Variants in CRPPA observed in about 807,000 individuals in gnomAD.
CRPPA encodes the protein CDP-L-ribitol pyrophosphorylase A.
CRPPA carries 43 observed loss-of-function variants against 52.0 expected under a neutral mutation model. The ratio of observed to expected loss-of-function variants is 0.83; its 90% CI spans 0.65 to 1.07. The LOEUF is 1.07. CRPPA is among the 50% of genes least tolerant of loss of function. The pLI is 0.00. For synonymous variants in CRPPA, 250 were observed against 203.5 expected, an observed-to-expected ratio of 1.23 and a Z score of -1.94; for missense variants, 629 against 551.7, an observed-to-expected ratio of 1.14 and a Z score of -1.40.
At chr7:16,143,515 C>A (rs1298502529) in intron 9 of CRPPA, among the ~76,000 whole-genome samples, 1 of 152,148 alleles carries the variant, frequency 6.6e-6, no homozygotes, top group African/African-American at 2.4e-5. Flanking sequence ...ACTGCCTGTA[C>A]AACTGCTACT....
At position 16,296,854 on chromosome 7, in the gene CRPPA, C is replaced by G. The variant is rs1784685127; in HGVS notation, c.835+4567G>C. On this transcript the variant is annotated intron_variant, in intron 5 of 9. Coordinates refer to ENST00000407010, the MANE Select transcript of CRPPA (RefSeq NM_001101426.4). ...CTGTGATGCCAGTAACAAACACTTT[C>G]TAGAAGACTGTACTATGTGCTTAGG... Among the ~76,000 whole-genome samples, 3 of 152,158 alleles carry G rather than the reference C, an allele frequency of 2.0e-5. No homozygotes were observed. The South Asian group carries it at 6.2e-4, about 31-fold the overall frequency.
rs559370651 is a variant in CRPPA, at chr7:16,177,114, C to T, written c.1251+38952G>A. ...TGTTGAAAAGCCAAAACTATAATGA[C>T]AGAAGAGAAATCAATAGTTGGCAGG... is the stretch of plus-strand genomic sequence containing the variant. On this transcript the variant is annotated intron_variant, in intron 9 of 9. Transcript: ENST00000407010. Among the ~76,000 whole-genome samples the T allele has an allele frequency of 1.2e-4, 19 of 152,012 alleles. No individual in the cohort carries two copies. The South Asian group carries it at 3.7e-3, about 30-fold the overall frequency.
At chr7:16,384,076 C>A (rs1027906476) in intron 2 of CRPPA, among the ~76,000 whole-genome samples, 25 of 152,274 alleles carry the variant, frequency 1.6e-4, no homozygotes, top group Admixed American at 3.9e-4. Context: ...AGAAATCACC[C>A]GTCTTCTGCG....
intron 2 of CRPPA, among the ~76,000 whole-genome samples, chr7:16,400,313 C>T (rs1324046339): frequency 6.6e-6 from 1 of 152,198 alleles, no homozygotes; most frequent in Non-Finnish European, 1.5e-5. Flanking sequence ...ACATGATTGA[C>T]ACTTGACCAA....
At chr7:16,155,293 T>C (rs1583395013) in intron 9 of CRPPA, among the ~76,000 whole-genome samples, 1 of 152,194 alleles carries the variant, frequency 6.6e-6, no homozygotes, top group African/African-American at 2.4e-5. Context: ...TATTCCCCCA[T>C]ATTCAAGCAA....
chr7:16,281,583 T>C (rs969951827), intron 5 of CRPPA, among the ~76,000 whole-genome samples: 7 of 152,184 alleles, frequency 4.6e-5, no homozygotes, highest in Non-Finnish European at 1.5e-5. Context: ...TAAGGCCCTG[T>C]CATATTGTCA....
At chr7:16,214,534 T>A (rs1275000940) in intron 9 of CRPPA, among the ~76,000 whole-genome samples, 1 of 152,046 alleles carries the variant, frequency 6.6e-6, no homozygotes, top group African/African-American at 2.4e-5. Context: ...GCCTCACTCT[T>A]TTTCCCAGAC....
At chr7:16,176,432 G>A (rs537129286) in intron 9 of CRPPA, among the ~76,000 whole-genome samples, 31 of 152,094 alleles carry the variant, frequency 2.0e-4, no homozygotes, top group East Asian at 5.8e-4. Context: ...GTTCAATCTC[G>A]TTAGTAATTT....
intron 3 of CRPPA, among the ~76,000 whole-genome samples, chr7:16,316,013 T>C (rs756856121): frequency 7.2e-5 from 11 of 152,136 alleles, no homozygotes; most frequent in Non-Finnish European, 1.5e-4. Context: ...CTAAGCTCCC[T>C]ACATGCCATG....
chr7:16,377,621 T>C (rs1298251516), intron 2 of CRPPA, among the ~76,000 whole-genome samples: 1 of 152,156 alleles, frequency 6.6e-6, no homozygotes, highest in Admixed American at 6.5e-5. Context: ...TGAAGAAACA[T>C]TTATTCCAGA....
chr7:16,109,057 G>GA (rs1320479666), intron 9 of CRPPA, among the ~76,000 whole-genome samples: 1 of 151,472 alleles, frequency 6.6e-6, no homozygotes, highest in African/African-American at 2.4e-5. Context: ...TAAGTTAGCA[G>GA]AAAAAAAGTG....
At chr7:16,362,594 A>G (rs1386407693) in intron 3 of CRPPA, among the ~76,000 whole-genome samples, 1 of 152,224 alleles carries the variant, frequency 6.6e-6, no homozygotes, top group Non-Finnish European at 1.5e-5. Flanking sequence ...AAATATGTAT[A>G]TTTAACTTTA....
chr7:16,409,527 G>A (rs1340283565), intron 1 of CRPPA, among the ~76,000 whole-genome samples: 2 of 152,208 alleles, frequency 1.3e-5, no homozygotes, highest in African/African-American at 4.8e-5. Context: ...ACCAGGTGGA[G>A]CTTGTATATG....
chr7:16,130,153 T>A (rs1782654699), intron 9 of CRPPA, among the ~76,000 whole-genome samples: 1 of 151,996 alleles, frequency 6.6e-6, no homozygotes, highest in Non-Finnish European at 1.5e-5. Context: ...TTAAAAAGAG[T>A]ACACATTTTA....
chr7:16,145,106 G>A (rs560970965), intron 9 of CRPPA, among the ~76,000 whole-genome samples: 137 of 152,310 alleles, frequency 9.0e-4, no homozygotes, highest in Non-Finnish European at 1.8e-3. Context: ...AGACCTGACT[G>A]CTGTCCCTGA....
In CRPPA at chr7:16,301,444, T is replaced by A. The variant is rs1208760899; in HGVS notation, c.812A>T (p.Tyr271Phe). The A allele has an allele frequency of 1.2e-6, 2 of 1,612,730 alleles. No homozygotes were observed. Among genetic ancestry groups the A allele is most frequent in the East Asian group, 2.2e-5 (1 of 44,844 alleles). ...ACCCTTAATAATCGATTCAGCCGCA[T>A]AGAGATCTCGTTTGTAGGTCACCTA... is the stretch of plus-strand genomic sequence containing the variant. ...LWKVTYKRDL[Y>F]AAESIIKERI... is the part of the protein sequence containing the mutation. Residue 271 changes from tyrosine (Y) to phenylalanine (F), a missense_variant, in exon 5 of 10, where the codon TAT becomes TTT. Physicochemically the swap from Tyr to Phe is conservative, Grantham distance 22. Transcript: ENST00000407010.
In CRPPA at chr7:16,348,364, A is replaced by G. The variant is rs117958767; in HGVS notation, c.684+27728T>C. Among the ~76,000 whole-genome samples the G allele has an allele frequency of 2.4e-3, 363 of 152,298 alleles. 1 individual carries two copies. The highest frequency in any genetic ancestry group is 4.4e-3 in the Non-Finnish European group (299 of 68,014). The stretch of plus-strand genomic sequence containing the variant: ...AGCAGCAATTTTATACGAGCAAACA[A>G]GCATGTCCAGGGGCTTAATCCCCTG... On this transcript the variant is annotated intron_variant, in intron 3 of 9. Coordinates refer to ENST00000407010, the MANE Select transcript of CRPPA (RefSeq NM_001101426.4).
intron 6 of CRPPA, chr7:16,269,381 G>T (rs1784034702): frequency 6.6e-6 from 1 of 152,016 alleles, no homozygotes; most frequent in Non-Finnish European, 1.5e-5. Context: ...AATAGAGAAG[G>T]CATGCAATCC....
intron 3 of CRPPA, among the ~76,000 whole-genome samples, chr7:16,372,012 A>C (rs574839900): frequency 6.6e-6 from 1 of 151,774 alleles, no homozygotes; most frequent in African/African-American, 2.4e-5. Flanking sequence ...AGACGAAGTA[A>C]AAAAAAAATT....
Sources: allele counts gnomAD v4.1 joint callset (sites outside exome capture counted in the v4.1 genomes callset), GRCh38; gene constraint gnomAD v4.1.1; transcripts MANE v1.5; gene names NCBI Gene and HGNC (gene_info 2026-07-23, HGNC 2026-07-21).